TASP1: variants seen among roughly 807,000 people sequenced by gnomAD.
TASP1 encodes the protein taspase 1.
Under a neutral mutation model 56.6 loss-of-function variants are expected in TASP1, and 16 were observed. The observed-to-expected ratio is 0.28, with a 90% CI of 0.19 to 0.43. TASP1 has a LOEUF of 0.43. Among genes scored for constraint, TASP1 ranks in the 20% least tolerant of loss-of-function variants. TASP1 has a pLI of 1.00. For missense variants in TASP1, 393 were observed against 511.6 expected, an observed-to-expected ratio of 0.77 and a Z score of 2.24; for synonymous variants, 179 against 184.2, an observed-to-expected ratio of 0.97 and a Z score of 0.23.
chr20:13,510,366 T>A (rs1418366705), intron 10 of TASP1, among the ~76,000 whole-genome samples: 2 of 152,074 alleles, frequency 1.3e-5, no homozygotes, highest in African/African-American at 4.8e-5. Context: ...AAGCAGAACA[T>A]AAACAATATG....
intron 10 of TASP1, among the ~76,000 whole-genome samples, chr20:13,521,036 C>T (rs2146800543): frequency 6.6e-6 from 1 of 152,332 alleles, no homozygotes; most frequent in Admixed American, 6.5e-5. Context: ...CTCATCATCA[C>T]TGGCCATCAG....
the TASP1 span, among the ~76,000 whole-genome samples, chr20:13,129,379 T>C: frequency 2.0e-5 from 3 of 152,198 alleles, no homozygotes; most frequent in South Asian, 6.2e-4. Context: ...TTCTGCTGTA[T>C]GAAAAACTGT....
rs554750689 is a variant in TASP1, at chr20:13,418,678, CTGTT to C, written c.1097-1161_1097-1158del. ...CAAAAAATTCTTATAACAGGAAAAA[CTGTT>C]TGTTCACTGTGGAAACACTTGATGG... On this transcript the variant is annotated intron_variant, in intron 12 of 13. Transcript: ENST00000337743. Among the ~76,000 whole-genome samples, 401 of 152,350 alleles carry C rather than the reference CTGTT, an allele frequency of 2.6e-3. 2 individuals are homozygous for C. Among genetic ancestry groups the C allele is most frequent in the African/African-American group, 8.5e-3 (354 of 41,576 alleles).
intron 9 of TASP1, among the ~76,000 whole-genome samples, chr20:13,531,486 CTTT>C (rs148240627): frequency 1.3e-4 from 18 of 142,262 alleles, no homozygotes; most frequent in Admixed American, 2.1e-4. Context: ...ATTTCTTATC[CTTT>C]TTTTTTTTTT....
rs560025741 is a variant in TASP1, at chr20:13,523,108, A to G, written c.874+5325T>C. ...AAAATTGAGTGAGAGAAGAGAACTAAGAAAAATAATAAACCTTGAGTATAG... is the reference window on the plus strand; with the variant it reads ...AAAATTGAGTGAGAGAAGAGAACTAGGAAAAATAATAAACCTTGAGTATAG... On this transcript the variant is annotated intron_variant, in intron 10 of 13. Transcript: ENST00000337743. Among the ~76,000 whole-genome samples the G allele has an allele frequency of 1.4e-4, 21 of 152,282 alleles. No homozygotes were observed. In the East Asian group the frequency reaches 4.1e-3, roughly 29 times the overall value.
At chr20:13,417,316 C>T (rs2042289001) in intron 13 of TASP1, 132 bp downstream of exon 13, 7 of 776,124 alleles carry the variant, frequency 9.0e-6, no homozygotes, top group South Asian at 5.5e-5. Context: ...TGTTCTTATT[C>T]GGATGCTTAT....
the TASP1 span, among the ~76,000 whole-genome samples, chr20:13,175,077 A>G: frequency 6.6e-6 from 1 of 152,218 alleles, no homozygotes; most frequent in Non-Finnish European, 1.5e-5. Flanking sequence ...CTGTGAGTCA[A>G]TTATACTCTT....
At chr20:13,582,928 A>G (rs1421822650) in intron 5 of TASP1, among the ~76,000 whole-genome samples, 2 of 152,186 alleles carry the variant, frequency 1.3e-5, no homozygotes, top group African/African-American at 4.8e-5. Context: ...CTGTAGGAGG[A>G]AAGTGTTGTC....
intron 1 of TASP1, among the ~76,000 whole-genome samples, chr20:13,633,367 T>C (rs1310285021): frequency 6.6e-6 from 1 of 152,124 alleles, no homozygotes; most frequent in East Asian, 1.9e-4. Context: ...GGGATAGAAA[T>C]TTCACTGTTC....
At chr20:13,204,256 T>C in the TASP1 span, among the ~76,000 whole-genome samples, 1 of 152,156 alleles carries the variant, frequency 6.6e-6, no homozygotes, top group Non-Finnish European at 1.5e-5. Flanking sequence ...GGGAAGCCAA[T>C]GACAGAGACT....
chr20:13,521,700 G>A lies in TASP1; in HGVS notation c.874+6733C>T, dbSNP rs1436620884. 2.0e-5 allele frequency among the ~76,000 whole-genome samples: 3 copies of A among 151,480 alleles called. No individual in the cohort carries two copies. In the East Asian group the frequency reaches 5.8e-4, roughly 29 times the overall value. On this transcript the variant is annotated intron_variant, in intron 10 of 13. Coordinates refer to ENST00000337743, the MANE Select transcript of TASP1 (RefSeq NM_017714.3). ...AATGTTAAATGACGAGTTAATGGGT[G>A]CAGCACACCAACATGGCACATGTAT...
the TASP1 span, chr20:13,160,073 G>A: frequency 0.04 from 63,880 of 1,613,308 alleles, 1,745 homozygotes; most frequent in Admixed American, 0.11. Context: ...CACTCCCCTC[G>A]CAGAAGCTCG....
At chr20:13,393,993 T>A (rs2041400455) in intron 13 of TASP1, among the ~76,000 whole-genome samples, 1 of 152,122 alleles carries the variant, frequency 6.6e-6, no homozygotes, top group South Asian at 2.1e-4. Flanking sequence ...AATCTTAGAT[T>A]TTTTTGGACG....
At chr20:13,537,739 T>C (rs575045467) in intron 8 of TASP1, among the ~76,000 whole-genome samples, 3 of 152,306 alleles carry the variant, frequency 2.0e-5, no homozygotes, top group African/African-American at 4.8e-5. Flanking sequence ...AGCATGTATA[T>C]AAAGTTAGCA....
chr20:13,349,901 A>G, the TASP1 span, among the ~76,000 whole-genome samples: 1 of 152,248 alleles, frequency 6.6e-6, no homozygotes, highest in Admixed American at 6.5e-5. Context: ...CTGTAATCCT[A>G]GTACTTTCAG....
At chr20:13,587,141 A>C in intron 5 of TASP1, 109 bp downstream of exon 5, 1 of 1,331,784 alleles carries the variant, frequency 7.5e-7, no homozygotes, top group Non-Finnish European at 1.0e-6. Flanking sequence ...ATTTGTTTTA[A>C]ACACTATTCC....
chr20:13,265,267 T>C, the TASP1 span, among the ~76,000 whole-genome samples: 3 of 152,152 alleles, frequency 2.0e-5, no homozygotes, highest in African/African-American at 7.2e-5. Context: ...TTACAAGCCT[T>C]TTTTATTTCA....
chr20:13,206,556 G>A, the TASP1 span, among the ~76,000 whole-genome samples: 2 of 152,108 alleles, frequency 1.3e-5, no homozygotes, highest in African/African-American at 4.8e-5. Context: ...AGAGTCCAGT[G>A]CAGGTTGGTG....
At chr20:13,517,577 C>T (rs924347366) in intron 10 of TASP1, among the ~76,000 whole-genome samples, 4 of 151,958 alleles carry the variant, frequency 2.6e-5, no homozygotes, top group South Asian at 2.1e-4. Flanking sequence ...TTCCCAAATC[C>T]TATCAATGAG....
Sources: allele counts gnomAD v4.1 joint callset (sites outside exome capture counted in the v4.1 genomes callset), GRCh38; gene constraint gnomAD v4.1.1; transcripts MANE v1.5; gene names NCBI Gene and HGNC (gene_info 2026-07-23, HGNC 2026-07-21).